VIPR2: variants seen among roughly 807,000 people sequenced by gnomAD.
VIPR2 encodes vasoactive intestinal peptide receptor 2.
A neutral mutation model predicts 58.0 loss-of-function variants in VIPR2; 48 were observed. The observed-to-expected ratio is 0.83, with a 90% CI of 0.66 to 1.05. The LOEUF is 1.05. Among genes scored for constraint, VIPR2 ranks in the 50% least tolerant of loss-of-function variants. The probability of loss-of-function intolerance (pLI) is 0.00; values close to 1 mark genes in which losing one functional copy is unlikely to be tolerated. For synonymous variants in VIPR2, 243 were observed against 235.2 expected (o/e 1.03, Z -0.30); for missense variants, 534 against 558.0 (o/e 0.96, Z 0.43).
At chr7:159,053,560 G>C (rs1179616557) in intron 5 of VIPR2, among the ~76,000 whole-genome samples, 1 of 152,046 alleles carries the variant, frequency 6.6e-6, no homozygotes, top group African/African-American at 2.4e-5. Flanking sequence ...GTTTTTTTGA[G>C]AGAAATGGTC....
At chr7:159,063,278 GC>G (rs1855826655) in intron 4 of VIPR2, among the ~76,000 whole-genome samples, 1 of 152,156 alleles carries the variant, frequency 6.6e-6, no homozygotes, top group South Asian at 2.1e-4. Context: ...CCCGAGCCCT[GC>G]CCTGCGGGGA....
intron 2 of VIPR2, among the ~76,000 whole-genome samples, chr7:159,121,657 G>A (rs1339286363): frequency 2.0e-5 from 3 of 152,048 alleles, no homozygotes; most frequent in Non-Finnish European, 4.4e-5. Flanking sequence ...ATTTTTAATG[G>A]CTGTATAATA....
chr7:159,139,387 C>T (rs897323657), intron 2 of VIPR2, among the ~76,000 whole-genome samples: 1 of 152,084 alleles, frequency 6.6e-6, no homozygotes, highest in African/African-American at 2.4e-5. Context: ...AGAGGGAACC[C>T]GTGCGCACAC....
chr7:159,071,504 T>C (rs929938578), intron 4 of VIPR2, among the ~76,000 whole-genome samples: 2 of 152,202 alleles, frequency 1.3e-5, no homozygotes, highest in African/African-American at 4.8e-5. Context: ...GGTTCCTCAG[T>C]TGTGCCTGGA....
intron 3 of VIPR2, among the ~76,000 whole-genome samples, chr7:159,109,054 C>T (rs769360281): frequency 6.6e-6 from 1 of 152,212 alleles, no homozygotes; most frequent in Non-Finnish European, 1.5e-5. Context: ...TATTACTTCC[C>T]AAAGTCTTTA....
At chr7:159,073,523 T>C (rs1856503169) in intron 4 of VIPR2, among the ~76,000 whole-genome samples, 1 of 152,140 alleles carries the variant, frequency 6.6e-6, no homozygotes, top group Admixed American at 6.5e-5. Context: ...GTTCAAGTGA[T>C]TCTCATGCCT....
At chr7:159,042,126 C>T (rs996611857) in intron 6 of VIPR2, among the ~76,000 whole-genome samples, 1 of 152,206 alleles carries the variant, frequency 6.6e-6, no homozygotes, top group African/African-American at 2.4e-5. Flanking sequence ...TTATAAACGG[C>T]TTTACTATCT....
In VIPR2 at chr7:159,031,768, G is replaced by A; in HGVS notation, c.1143+60C>T. The A allele has an allele frequency of 5.0e-6, 8 of 1,612,666 alleles. No individual in the cohort carries two copies. The highest frequency in any genetic ancestry group is 6.8e-6 in the Non-Finnish European group (8 of 1,179,874). ...TGTGGGGGCTGCGGCACCAGGCTGG[G>A]CAGCATCTCAGGAAGCAAGTGAGTA... On this transcript the variant is annotated intron_variant, in intron 12 of 12. Coordinates refer to ENST00000262178, the MANE Select transcript of VIPR2 (RefSeq NM_003382.5). This position sits in a 1 kb window ranked among gnomAD's most constrained non-coding sequence, Gnocchi z 4.0.
chr7:159,135,854 A>T (rs1005501425), intron 2 of VIPR2, among the ~76,000 whole-genome samples: 5 of 152,198 alleles, frequency 3.3e-5, no homozygotes, highest in Non-Finnish European at 5.9e-5. Context: ...GGATCAGCCA[A>T]CGCATCAGCA....
Position 159,097,554 on chromosome 7 carries a change from C to A in VIPR2, c.357+6203G>T, listed in dbSNP as rs1762166177. Among the ~76,000 whole-genome samples the A allele has an allele frequency of 6.6e-6, 1 of 152,120 alleles. No individual in the cohort carries two copies. Among genetic ancestry groups the A allele is most frequent in the Non-Finnish European group, 1.5e-5 (1 of 68,024 alleles). On this transcript the variant is annotated intron_variant, in intron 4 of 12. Transcript: ENST00000262178. This position sits in a 1 kb window ranked among gnomAD's most constrained non-coding sequence, Gnocchi z 5.3. ...GGGTGTTAGAGATTCTACTGCCTTG[C>A]CCCTGCCTGACCCTGACTCAAGGAG... is the stretch of plus-strand genomic sequence containing the variant.
chr7:159,050,346 C>CAAAAAAAAAAAA (rs1354103508), intron 5 of VIPR2, among the ~76,000 whole-genome samples: 1 of 41,712 alleles, frequency 2.4e-5, no homozygotes, highest in African/African-American at 5.3e-5. Context: ...CAAAAAAACA[C>CAAAAAAAAAAAA]AAAAAAACAA....
At position 159,056,786 on chromosome 7, in the gene VIPR2, G is replaced by T. The variant is rs943413984; in HGVS notation, c.455+1695C>A. ...TGGAGCACGTTATTTTTATAATTCG[G>T]ACTTTAGAATTGACAGACTCTCACA... is the stretch of plus-strand genomic sequence containing the variant. On this transcript the variant is annotated intron_variant, in intron 5 of 12. Coordinates refer to ENST00000262178, the MANE Select transcript of VIPR2 (RefSeq NM_003382.5). Among the ~76,000 whole-genome samples, 85 of 152,164 alleles carry T rather than the reference G, an allele frequency of 5.6e-4. 1 individual carries two copies. The highest frequency in any genetic ancestry group is 3.1e-4 in the Non-Finnish European group (21 of 68,028).
At chr7:159,057,930 G>C (rs973405818) in intron 5 of VIPR2, among the ~76,000 whole-genome samples, 9 of 152,110 alleles carry the variant, frequency 5.9e-5, no homozygotes, top group African/African-American at 2.2e-4. Flanking sequence ...ACAACCTCAC[G>C]TGCCATGCTA....
At chr7:159,058,437 C>T (rs1246842866) in intron 5 of VIPR2, 44 bp downstream of exon 5, 2 of 1,573,922 alleles carry the variant, frequency 1.3e-6, no homozygotes, top group African/African-American at 2.7e-5. Flanking sequence ...GGAAACTTTG[C>T]TTGTCTTGTA....
At chr7:159,106,427 GGCC>G (rs1254144906) in intron 3 of VIPR2, among the ~76,000 whole-genome samples, 1 of 150,768 alleles carries the variant, frequency 6.6e-6, no homozygotes, top group Non-Finnish European at 1.5e-5. Flanking sequence ...GGCAGAGAGA[GGCC>G]AGGGAGGGGC....
rs1266065070 is a variant in VIPR2, at chr7:159,098,952, C to T, written c.357+4805G>A. 6.6e-6 allele frequency among the ~76,000 whole-genome samples: 1 copy of T among 152,164 alleles called. No individual in the cohort carries two copies. Among genetic ancestry groups the T allele is most frequent in the Admixed American group, 6.5e-5 (1 of 15,280 alleles). On this transcript the variant is annotated intron_variant, in intron 4 of 12. Transcript: ENST00000262178. The surrounding 1 kb of genome is among the most constrained non-coding windows in gnomAD (Gnocchi z 5.2). ...AGCTCCCAGGCAGCCCTGCGCTCGC[C>T]GGTGGGCAGAGCCGGCCCAGGACCG...
rs1484983171 is a variant in VIPR2 at position 159,093,025 on chromosome 7, T to C, written c.357+10732A>G. 1.3e-5 allele frequency among the ~76,000 whole-genome samples: 2 copies of C among 151,412 alleles called. No individual in the cohort carries two copies. The highest frequency in any genetic ancestry group is 4.9e-5 in the African/African-American group (2 of 41,150). ...GGGGAGAGTGGGTGACCTGGGGGAG[T>C]CAAGGCAGGTGGAACAAGCCATCCA... On this transcript the variant is annotated intron_variant, in intron 4 of 12. Coordinates refer to ENST00000262178, the MANE Select transcript of VIPR2 (RefSeq NM_003382.5). This position sits in a 1 kb window ranked among gnomAD's most constrained non-coding sequence, Gnocchi z 6.7.
intron 4 of VIPR2, 80 bp from the exon 5 acceptor site, chr7:159,058,658 C>T (rs1855463048): frequency 9.1e-7 from 1 of 1,102,078 alleles, no homozygotes; most frequent in Non-Finnish European, 1.4e-6. Context: ...GGATCCAGCC[C>T]TGTGCTCTGG....
intron 3 of VIPR2, among the ~76,000 whole-genome samples, chr7:159,106,179 G>T (rs2129496065): frequency 6.6e-6 from 1 of 152,396 alleles, no homozygotes; most frequent in Non-Finnish European, 1.5e-5. Flanking sequence ...CCTCTGCGAG[G>T]TGCAGCCTTT....
Sources: gnomAD v4.1 joint callset for allele counts (sites outside exome capture counted in the v4.1 genomes callset) on GRCh38, gnomAD v4.1.1 for gene constraint, Gnocchi (gnomAD v3.1) non-coding constraint, MANE v1.5 for transcripts, NCBI Gene and HGNC (gene_info 2026-07-23, HGNC 2026-07-21) for gene names.